Variants in ATP5F1A observed in about 807,000 individuals in gnomAD.
ATP5F1A encodes the protein ATP synthase F(1) complex subunit alpha, mitochondrial.
ATP5F1A carries 24 observed loss-of-function variants against 57.4 expected under a neutral mutation model. The observed-to-expected ratio is 0.42, with a 90% CI of 0.30 to 0.59. The LOEUF is 0.59. Among genes scored for constraint, ATP5F1A ranks in the 20% least tolerant of loss-of-function variants. The probability of loss-of-function intolerance (pLI) is 0.19; values close to 1 mark genes in which losing one functional copy is unlikely to be tolerated. For synonymous variants in ATP5F1A, 251 were observed against 255.5 expected, an observed-to-expected ratio of 0.98 and a Z score of 0.17; for missense variants, 494 against 707.9, an observed-to-expected ratio of 0.70 and a Z score of 3.43.
At chr18:46,098,373 C>CT, upstream of ATP5F1A, 1 of 1,219,874 alleles carries the variant, frequency 8.2e-7, no homozygotes, top group East Asian at 2.9e-5. Flanking sequence ...CCACCTCTCC[C>CT]CCCGCCCCCG....
chr18:46,099,054 G>GTT (rs10629483), upstream of ATP5F1A, among the ~76,000 whole-genome samples: 58,604 of 151,760 alleles, frequency 0.39, 11,678 homozygotes, highest in Middle Eastern at 0.52. Context: ...ATTTACCTGT[G>GTT]TAACAAACCT....
chr18:46,081,169 C>T lies in ATP5F1A; in HGVS notation c.*3113G>A, dbSNP rs1248364347. ...AAAAAAAAAATCTCATCAGACCAGA[C>T]CAGTAGTTAACATTTGGAATTTGAT... On this transcript the variant is annotated 3_prime_UTR_variant, in exon 12 of 12. Transcript: ENST00000398752. The T allele has an allele frequency of 6.7e-6, 1 of 148,350 alleles. No individual in the cohort carries two copies. Among genetic ancestry groups the T allele is most frequent in the Non-Finnish European group, 1.5e-5 (1 of 67,350 alleles). 9.2% of individuals were successfully genotyped at this position (148,350 alleles called of 1,614,324 possible).
Position 46,089,551 on chromosome 18 carries a change from C to T in ATP5F1A, c.650+15G>A. ...AATTTTAGTTAGAACTTTTAATATG[C>T]TTTTGAGTCTTTACCCAGTCTGTCG... is the stretch of plus-strand genomic sequence containing the variant. On this transcript the variant is annotated intron_variant, in intron 5 of 11. Coordinates refer to ENST00000398752, the MANE Select transcript of ATP5F1A (RefSeq NM_004046.6). The T allele has an allele frequency of 6.2e-7, 1 of 1,611,650 alleles. No homozygotes were observed. Among genetic ancestry groups the T allele is most frequent in the Non-Finnish European group, 8.5e-7 (1 of 1,179,216 alleles).
rs542107636 is a variant in ATP5F1A at position 46,084,497 on chromosome 18, T to A, written c.1580+7A>T. The A allele has an allele frequency of 2.8e-5, 44 of 1,588,926 alleles. No homozygotes were observed. The South Asian group carries it at 5.1e-4, about 18-fold the overall frequency. Reference sequence around the variant, plus strand: ...TTAAAAAAAGATGCCAACAATTGCATTCATACCTGATAGTGCCCAACAAGG... The same window carrying A: ...TTAAAAAAAGATGCCAACAATTGCAATCATACCTGATAGTGCCCAACAAGG... On this transcript the variant is annotated splice_region_variant and intron_variant, in intron 11 of 11. Coordinates refer to ENST00000398752, the MANE Select transcript of ATP5F1A (RefSeq NM_004046.6).
chr18:46,085,920 T>C (rs1215823801), intron 10 of ATP5F1A, 193 bp downstream of exon 10: 3 of 667,904 alleles, frequency 4.5e-6, no homozygotes, highest in African/African-American at 3.8e-5. Flanking sequence ...GCCGTAAGAA[T>C]GAAACTTCGT....
upstream of ATP5F1A, among the ~76,000 whole-genome samples, chr18:46,098,930 T>C (rs1911176238): frequency 6.6e-6 from 1 of 152,184 alleles, no homozygotes. Flanking sequence ...TAGAGCAAAC[T>C]GTTTAAAAAT....
Position 46,094,913 on chromosome 18 carries a change from A to T in ATP5F1A, c.139+140T>A, listed in dbSNP as rs28699609. ...ACCATGACAGGGCTAAATGGTAACA[A>T]TATGGTTTAAGAACCTGAGAGTCTA... On this transcript the variant is annotated intron_variant, in intron 2 of 11. Transcript: ENST00000398752. 0.41 allele frequency: 504,555 copies of T among 1,243,334 alleles called. 105,943 individuals are homozygous for T. The highest frequency in any genetic ancestry group is 0.51 in the Middle Eastern group (1,740 of 3,412). 77.0% of individuals were successfully genotyped at this position (1,243,334 alleles called of 1,614,324 possible). A position where few individuals can be genotyped will look rare whatever the true frequency, so the allele number is the denominator to read the frequency against.
chr18:46,102,003 T>C (rs1180456103), upstream of ATP5F1A, among the ~76,000 whole-genome samples: 2 of 151,758 alleles, frequency 1.3e-5, no homozygotes, highest in Non-Finnish European at 2.9e-5. Context: ...TGAAACCCTG[T>C]CTCTACTAAA....
chr18:46,080,358 G>A lies in ATP5F1A; in HGVS notation c.*3924C>T, dbSNP rs979572609. On this transcript the variant is annotated 3_prime_UTR_variant, in exon 12 of 12. Coordinates refer to ENST00000398752, the MANE Select transcript of ATP5F1A (RefSeq NM_004046.6). ...CACCACCCCCAGTGATAAGATAAAT[G>A]CACACAGACACAATTTTATGACAGC... The A allele has an allele frequency of 6.6e-6, 1 of 152,168 alleles. No homozygotes were observed. The highest frequency in any genetic ancestry group is 1.5e-5 in the Non-Finnish European group (1 of 68,034). 9.4% of individuals were successfully genotyped at this position (152,168 alleles called of 1,614,324 possible).
At chr18:46,103,808 G>A (rs1344541960) in intron 1 of ATP5F1A, among the ~76,000 whole-genome samples, 1 of 151,802 alleles carries the variant, frequency 6.6e-6, no homozygotes, top group Non-Finnish European at 1.5e-5. Flanking sequence ...CAGCTACTTG[G>A]GAGGCTGAGA....
chr18:46,089,438 A>T (rs1910380912), intron 5 of ATP5F1A, 128 bp downstream of exon 5: 5 of 1,188,636 alleles, frequency 4.2e-6, no homozygotes, highest in Non-Finnish European at 5.9e-6. Flanking sequence ...TCCCAGCTGA[A>T]ATTTTACTAT....
Position 46,082,543 on chromosome 18 carries a change from G to C in ATP5F1A, c.*1739C>G, listed in dbSNP as rs1364021688. On this transcript the variant is annotated 3_prime_UTR_variant, in exon 12 of 12. Coordinates refer to ENST00000398752, the MANE Select transcript of ATP5F1A (RefSeq NM_004046.6). ...TACTAAAAATACAAAAATTAGCAGG[G>C]CATGGTGGTGGGTGCCTGTAGTTCC... is the stretch of plus-strand genomic sequence containing the variant. The C allele has an allele frequency of 6.6e-6, 1 of 151,864 alleles. No homozygotes were observed. Among genetic ancestry groups the C allele is most frequent in the African/African-American group, 2.4e-5 (1 of 41,300 alleles). 9.4% of individuals were successfully genotyped at this position (151,864 alleles called of 1,614,324 possible). A position where few individuals can be genotyped will look rare whatever the true frequency, so the allele number is the denominator to read the frequency against.
chr18:46,081,149 AAAAAT>A lies in ATP5F1A; in HGVS notation c.*3128_*3132del, dbSNP rs1373025450. The A allele has an allele frequency of 6.0e-5, 9 of 150,900 alleles. No individual in the cohort carries two copies. The highest frequency in any genetic ancestry group is 1.2e-4 in the African/African-American group (5 of 41,116). 9.3% of individuals were successfully genotyped at this position (150,900 alleles called of 1,614,324 possible). ...CCGTCTCAAAAAAAAAAAAAAAAAA[AAAAAT>A]CTCATCAGACCAGACCAGTAGTTAA... is the stretch of plus-strand genomic sequence containing the variant. On this transcript the variant is annotated 3_prime_UTR_variant, in exon 12 of 12. Coordinates refer to ENST00000398752, the MANE Select transcript of ATP5F1A (RefSeq NM_004046.6).
chr18:46,087,595 T>G (rs1910212235), intron 6 of ATP5F1A, 103 bp from the exon 7 acceptor site: 1 of 1,372,638 alleles, frequency 7.3e-7, no homozygotes, highest in Admixed American at 2.2e-5. Context: ...TAAGAGTTAA[T>G]CAGGCCAGGC....
At position 46,086,435 on chromosome 18, in the gene ATP5F1A, C is replaced by G. The variant is rs779701103; in HGVS notation, c.1236G>C (p.Leu412=). 1.2e-6 allele frequency: 2 copies of G among 1,614,170 alleles called. No individual in the cohort carries two copies. The highest frequency in any genetic ancestry group is 1.7e-6 in the Non-Finnish European group (2 of 1,180,044). Residue 412 remains leucine, a synonymous_variant, in exon 9 of 12, where the codon CTG becomes CTC. Coordinates refer to ENST00000398752, the MANE Select transcript of ATP5F1A (RefSeq NM_004046.6). ...KGIRPAINVG[L]SVSRVGSAAQ... ...CAGCGGATCCGACACGAGATACAGA[C>G]AGACCAACGTTAATTGCAGGGCGGA...
chr18:46,098,464 A>C, upstream of ATP5F1A: 1 of 1,271,034 alleles, frequency 7.9e-7, no homozygotes, highest in Non-Finnish European at 1.0e-6. Flanking sequence ...GAATGATTAG[A>C]TATATTCCGG....
chr18:46,085,959 A>G (rs1475776328), intron 10 of ATP5F1A, 154 bp downstream of exon 10: 9 of 898,228 alleles, frequency 1.0e-5, no homozygotes, highest in Non-Finnish European at 1.3e-5. Context: ...TCAAAAATCA[A>G]AAAACAAATG....
chr18:46,102,048 C>T (rs1911290584), upstream of ATP5F1A, among the ~76,000 whole-genome samples: 1 of 151,744 alleles, frequency 6.6e-6, no homozygotes, highest in Admixed American at 6.6e-5. Flanking sequence ...GTGGCGGGCA[C>T]CTGTAGTCCC....
At position 46,095,051 on chromosome 18, in the gene ATP5F1A, ACC is replaced by A. The variant is rs1241641321; in HGVS notation, c.139_139+1del. On this transcript the variant is annotated splice_donor_variant and coding_sequence_variant, in exon 2 of 12. Coordinates refer to ENST00000398752, the MANE Select transcript of ATP5F1A (RefSeq NM_004046.6). LOFTEE classifies it high-confidence loss of function. The stretch of plus-strand genomic sequence containing the variant: ...GGCGTAGACTGAGAAATAATAACTT[ACC>A]AGTCTTTTGAAGATGAGTGTTAGAG... 6.2e-7 allele frequency: 1 copy of A among 1,609,516 alleles called. No individual in the cohort carries two copies. The highest frequency in any genetic ancestry group is 2.2e-5 in the East Asian group (1 of 44,826).
Sources: allele counts gnomAD v4.1 joint callset (sites outside exome capture counted in the v4.1 genomes callset), GRCh38; gene constraint gnomAD v4.1.1; transcripts MANE v1.5; gene names NCBI Gene and HGNC (gene_info 2026-07-23, HGNC 2026-07-21).